FSHR: variants seen among roughly 807,000 people sequenced by gnomAD.
FSHR encodes follicle-stimulating hormone receptor.
In FSHR, 46 loss-of-function variants were observed where a neutral mutation model predicts 52.1. The observed-to-expected ratio is 0.88, with a 90% CI of 0.70 to 1.13. FSHR has a LOEUF of 1.13. Ranked by LOEUF, FSHR falls within the 50% of genes most tolerant of loss-of-function variation. FSHR has a pLI of 0.00. For missense variants in FSHR, 964 were observed against 834.6 expected (o/e 1.16, Z -1.91); for synonymous variants, 399 against 309.6 (o/e 1.29, Z -3.03).
intron 1 of FSHR, among the ~76,000 whole-genome samples, chr2:49,088,371 A>C (rs1222035958): frequency 2.0e-5 from 3 of 152,354 alleles, no homozygotes; most frequent in African/African-American, 4.8e-5. Context: ...AGGAAACACA[A>C]AGATGCCCCA....
chr2:49,102,111 A>G (rs1671047240), intron 1 of FSHR, among the ~76,000 whole-genome samples: 1 of 152,206 alleles, frequency 6.6e-6, no homozygotes, highest in Non-Finnish European at 1.5e-5. Flanking sequence ...AAGGGAAGCT[A>G]AGCATGATGG....
rs1674356551 is a variant in FSHR, at chr2:48,963,913, T to C, written c.908A>G (p.Tyr303Cys). Residue 303 changes from tyrosine (Y) to cysteine (C), a missense_variant, in exon 10 of 10, where the codon TAT becomes TGT. Transcript: ENST00000406846. ...NKSILRQEVD[Y>C]MTQARGQRSS... ...TCTCTGACCCCTAGCCTGAGTCATA[T>C]AATCAACTTCTTGCCTTAAAATAGA... 2 of 1,614,044 alleles carry C rather than the reference T, an allele frequency of 1.2e-6. No individual in the cohort carries two copies. Among genetic ancestry groups the C allele is most frequent in the Non-Finnish European group, 1.7e-6 (2 of 1,179,938 alleles).
chr2:49,074,270 T>C (rs1486531807), intron 1 of FSHR, among the ~76,000 whole-genome samples: 2 of 151,576 alleles, frequency 1.3e-5, no homozygotes, highest in Non-Finnish European at 3.0e-5. Context: ...TGGAAGAAAA[T>C]ATTTGCCAAC....
At chr2:48,979,847 A>G (rs367666092) in intron 8 of FSHR, among the ~76,000 whole-genome samples, 14 of 151,852 alleles carry the variant, frequency 9.2e-5, no homozygotes, top group African/African-American at 3.4e-4. Context: ...GGGGACTGCA[A>G]TCTGACCCAA....
At chr2:48,981,806 T>C (rs372439477) in intron 8 of FSHR, among the ~76,000 whole-genome samples, 1 of 152,158 alleles carries the variant, frequency 6.6e-6, no homozygotes, top group Non-Finnish European at 1.5e-5. Flanking sequence ...GTGATGCAGA[T>C]AGATGGTTGG....
Position 48,968,811 on chromosome 2 carries a change from C to G in FSHR, c.741G>C (p.Arg247Ser). 1 of 1,614,082 alleles carries G rather than the reference C, an allele frequency of 6.2e-7. No homozygotes were observed. Among genetic ancestry groups the G allele is most frequent in the Non-Finnish European group, 8.5e-7 (1 of 1,180,000 alleles). Residue 247 changes from arginine to serine, a missense_variant, in exon 9 of 10, where the codon AGG becomes AGC. Transcript: ENST00000406846. ...GLENLKKLRA[R>S]STYNLKKLPT... is the part of the protein sequence containing the mutation. ...GCAGCTTTTTTAAGTTGTAAGTCGACCTGGCCCTCAGCTTCTTAAGATTTT... is the reference window on the plus strand; with the variant it reads ...GCAGCTTTTTTAAGTTGTAAGTCGAGCTGGCCCTCAGCTTCTTAAGATTTT...
chr2:48,981,379 A>C (rs966588936), intron 8 of FSHR, among the ~76,000 whole-genome samples: 1 of 152,182 alleles, frequency 6.6e-6, no homozygotes, highest in Non-Finnish European at 1.5e-5. Context: ...TGATGAGTGA[A>C]AAAATATTTA....
At chr2:49,114,208 C>T (rs1254192942) in intron 1 of FSHR, among the ~76,000 whole-genome samples, 4 of 152,150 alleles carry the variant, frequency 2.6e-5, no homozygotes, top group African/African-American at 9.7e-5. Context: ...CCAGTACAAT[C>T]ACCTGCACTT....
chr2:48,999,219 A>C (rs968676272), intron 4 of FSHR, among the ~76,000 whole-genome samples: 3 of 152,028 alleles, frequency 2.0e-5, no homozygotes, highest in African/African-American at 4.8e-5. Context: ...AACACTTCCT[A>C]TGTACCAGGT....
intron 1 of FSHR, among the ~76,000 whole-genome samples, chr2:49,130,597 A>T (rs1489915742): frequency 2.0e-5 from 3 of 152,236 alleles, no homozygotes; most frequent in Admixed American, 2.0e-4. Flanking sequence ...GGTTTAAGAC[A>T]TGCATAACAG....
At chr2:48,990,271 G>T (rs1239665881) in intron 5 of FSHR, among the ~76,000 whole-genome samples, 2 of 151,750 alleles carry the variant, frequency 1.3e-5, no homozygotes, top group African/African-American at 4.9e-5. Flanking sequence ...TATGTGTGTG[G>T]GGGGCAGTAA....
intron 4 of FSHR, among the ~76,000 whole-genome samples, chr2:49,002,929 C>A (rs757705521): frequency 4.5e-4 from 69 of 152,218 alleles, no homozygotes; most frequent in Admixed American, 1.0e-3. Flanking sequence ...TCCAGAGAGA[C>A]CATGATGGAT....
chr2:49,074,780 C>CCAA (rs33965509), intron 1 of FSHR, among the ~76,000 whole-genome samples: 33,619 of 151,870 alleles, frequency 0.22, 3,800 homozygotes, highest in East Asian at 0.29. Flanking sequence ...ACCTAGTTGT[C>CCAA]CAACAGATAA....
intron 1 of FSHR, among the ~76,000 whole-genome samples, chr2:49,127,790 C>CTTCTTG (rs1558456367): frequency 7.4e-5 from 4 of 53,810 alleles, no homozygotes; most frequent in Non-Finnish European, 1.4e-4. Context: ...TCTTCTTCTT[C>CTTCTTG]TTCTTCTTCT....
chr2:49,124,159 ATTTT>A (rs5831025), intron 1 of FSHR, among the ~76,000 whole-genome samples: 1 of 140,918 alleles, frequency 7.1e-6, no homozygotes. Flanking sequence ...CGTCCGGCTA[ATTTT>A]TTTTTTTTTT....
intron 1 of FSHR, among the ~76,000 whole-genome samples, chr2:49,125,879 T>C (rs927252040): frequency 6.6e-6 from 1 of 152,214 alleles, no homozygotes; most frequent in African/African-American, 2.4e-5. Flanking sequence ...ACTAGGAAAC[T>C]GTGGATGGCT....
chr2:49,145,179 C>T (rs2103847635), intron 1 of FSHR, among the ~76,000 whole-genome samples: 1 of 152,208 alleles, frequency 6.6e-6, no homozygotes, highest in Non-Finnish European at 1.5e-5. Context: ...AACAATGCAG[C>T]CTACGTTTCC....
chr2:49,038,431 C>A (rs903860332), intron 2 of FSHR, among the ~76,000 whole-genome samples: 2 of 151,726 alleles, frequency 1.3e-5, no homozygotes, highest in African/African-American at 2.4e-5. Flanking sequence ...ACCATCCTGG[C>A]TAACACGGTG....
chr2:48,992,729 G>T (rs1326428450), intron 4 of FSHR, among the ~76,000 whole-genome samples: 1 of 151,914 alleles, frequency 6.6e-6, no homozygotes, highest in Non-Finnish European at 1.5e-5. Flanking sequence ...TGCAACTTTT[G>T]GGTCTGGCTT....
Sources: gnomAD v4.1 joint callset for allele counts (sites outside exome capture counted in the v4.1 genomes callset) on GRCh38, gnomAD v4.1.1 for gene constraint, MANE v1.5 for transcripts, NCBI Gene and HGNC (gene_info 2026-07-23, HGNC 2026-07-21) for gene names.